Variants in OCA2 observed in about 807,000 individuals in gnomAD.
OCA2 encodes P protein.
A neutral mutation model predicts 100.2 loss-of-function variants in OCA2; 77 were observed. The observed-to-expected ratio is 0.77, with a 90% CI of 0.64 to 0.93. The LOEUF (loss-of-function observed/expected upper bound fraction) is 0.93. OCA2 is among the 40% of genes least tolerant of loss of function. The pLI is 0.00. For synonymous variants in OCA2, 432 were observed against 439.2 expected (o/e 0.98, Z 0.21); for missense variants, 1,062 against 1,089.1 (o/e 0.98, Z 0.35).
At chr15:27,915,577 A>G (rs573897487) in intron 19 of OCA2, among the ~76,000 whole-genome samples, 4 of 151,978 alleles carry the variant, frequency 2.6e-5, no homozygotes, top group African/African-American at 9.7e-5. Context: ...AAAAGAAGAC[A>G]TACACATGGC....
At chr15:28,059,125 T>C (rs970992709) in intron 2 of OCA2, among the ~76,000 whole-genome samples, 5 of 152,188 alleles carry the variant, frequency 3.3e-5, no homozygotes, top group African/African-American at 1.2e-4. Context: ...CTGAAGATGT[T>C]TGAAAGCCTG....
At chr15:27,982,788 T>C (rs915653944) in intron 14 of OCA2, among the ~76,000 whole-genome samples, 9 of 152,190 alleles carry the variant, frequency 5.9e-5, no homozygotes, top group African/African-American at 2.2e-4. Context: ...GAATAAAAAT[T>C]AATGATATAG....
chr15:27,773,226 A>G (rs541091648), intron 23 of OCA2, among the ~76,000 whole-genome samples: 22 of 152,116 alleles, frequency 1.4e-4, no homozygotes, highest in Non-Finnish European at 2.6e-4. Flanking sequence ...GGCTATTTTT[A>G]TATAATTTTG....
intron 6 of OCA2, among the ~76,000 whole-genome samples, chr15:28,021,537 C>T (rs186409256): frequency 5.9e-5 from 9 of 152,292 alleles, no homozygotes; most frequent in Admixed American, 4.6e-4. Context: ...AGTGTGGGCT[C>T]GCTTGAGCGT....
At chr15:28,020,117 C>T (rs2042546630) in intron 6 of OCA2, among the ~76,000 whole-genome samples, 1 of 152,104 alleles carries the variant, frequency 6.6e-6, no homozygotes, top group African/African-American at 2.4e-5. Flanking sequence ...AGACAGCTCC[C>T]CGCCCCCACC....
At chr15:27,776,109 C>T (rs766082557) in intron 23 of OCA2, among the ~76,000 whole-genome samples, 2 of 152,194 alleles carry the variant, frequency 1.3e-5, no homozygotes, top group Non-Finnish European at 2.9e-5. Flanking sequence ...AGTCTGTCAC[C>T]CATGAAATCC....
At chr15:27,924,898 AATG>A (rs1399097452) in intron 19 of OCA2, among the ~76,000 whole-genome samples, 1 of 152,174 alleles carries the variant, frequency 6.6e-6, no homozygotes, top group African/African-American at 2.4e-5. Flanking sequence ...TCATTTTTAA[AATG>A]ATAAGTCATG....
At chr15:28,011,856 G>T (rs951329905) in intron 9 of OCA2, among the ~76,000 whole-genome samples, 1 of 151,394 alleles carries the variant, frequency 6.6e-6, no homozygotes, top group Admixed American at 6.6e-5. Context: ...AGATGGTGTT[G>T]CAGTGAGCCG....
At chr15:27,868,432 C>G (rs989474700) in intron 21 of OCA2, among the ~76,000 whole-genome samples, 7 of 152,140 alleles carry the variant, frequency 4.6e-5, no homozygotes, top group African/African-American at 1.7e-4. Flanking sequence ...TGGATGAACG[C>G]AGACGGCATT....
intron 21 of OCA2, among the ~76,000 whole-genome samples, chr15:27,865,463 G>C (rs1361090194): frequency 6.6e-6 from 1 of 152,228 alleles, no homozygotes; most frequent in Non-Finnish European, 1.5e-5. Context: ...TCTGCTGACT[G>C]GGCGGCGAGA....
intron 18 of OCA2, among the ~76,000 whole-genome samples, chr15:27,940,447 C>A (rs1019935884): frequency 6.6e-6 from 1 of 152,210 alleles, no homozygotes. Flanking sequence ...TCAGTTCTAT[C>A]CCCTGTCTCT....
chr15:28,036,681 T>G (rs2043053184), intron 2 of OCA2, among the ~76,000 whole-genome samples: 1 of 151,968 alleles, frequency 6.6e-6, no homozygotes, highest in Non-Finnish European at 1.5e-5. Context: ...CCTATGATGC[T>G]TATATCATCA....
At chr15:27,913,879 G>GAAAGAAAGAA (rs1567098082) in intron 19 of OCA2, among the ~76,000 whole-genome samples, 27 of 52,860 alleles carry the variant, frequency 5.1e-4, no homozygotes, top group East Asian at 0.01. Flanking sequence ...AAGAAAGAAA[G>GAAAGAAAGAA]AAAGAAAGAA....
chr15:27,967,108 C>T (rs1447452291), intron 14 of OCA2, among the ~76,000 whole-genome samples: 3 of 152,096 alleles, frequency 2.0e-5, no homozygotes, highest in African/African-American at 4.8e-5. Flanking sequence ...CCAGCCTGGG[C>T]GACAGAGCGA....
intron 23 of OCA2, among the ~76,000 whole-genome samples, chr15:27,843,226 G>A (rs770195105): frequency 1.4e-4 from 22 of 152,112 alleles, no homozygotes; most frequent in Non-Finnish European, 1.3e-4. Context: ...ATGTGAGAAC[G>A]ACGGCCTTCC....
the OCA2 span, among the ~76,000 whole-genome samples, chr15:27,726,240 G>A: frequency 1.3e-5 from 2 of 152,056 alleles, no homozygotes; most frequent in Non-Finnish European, 2.9e-5. Flanking sequence ...AGAGGTTGCA[G>A]TGAGCCAAGA....
At chr15:27,885,031 A>G (rs185051586) in intron 19 of OCA2, among the ~76,000 whole-genome samples, 6 of 152,294 alleles carry the variant, frequency 3.9e-5, no homozygotes, top group Admixed American at 3.3e-4. Context: ...ACTCTTTTAC[A>G]TTATGTCATT....
At chr15:27,824,787 G>A (rs2034654639) in intron 23 of OCA2, among the ~76,000 whole-genome samples, 1 of 151,678 alleles carries the variant, frequency 6.6e-6, no homozygotes, top group South Asian at 2.1e-4. Context: ...CACGACTCAG[G>A]TGTGCACACA....
chr15:27,973,900 T>A (rs2040883474), intron 14 of OCA2, among the ~76,000 whole-genome samples: 1 of 152,204 alleles, frequency 6.6e-6, no homozygotes, highest in African/African-American at 2.4e-5. Context: ...ATCTTTCAAC[T>A]CCTTGGTTAA....
Sources: gnomAD v4.1 joint callset for allele counts (sites outside exome capture counted in the v4.1 genomes callset) on GRCh38, gnomAD v4.1.1 for gene constraint, MANE v1.5 for transcripts, NCBI Gene and HGNC (gene_info 2026-07-23, HGNC 2026-07-21) for gene names.